The following RHD variants were observed in gnomAD, a reference collection of about 807,000 sequenced individuals.
RHD encodes the protein blood group Rh(D) polypeptide.
Under a neutral mutation model 45.5 loss-of-function variants are expected in RHD, and 16 were observed. That is an observed-to-expected ratio of 0.35 (90% confidence interval 0.24 to 0.53). The LOEUF is 0.53. RHD is among the 20% of genes least tolerant of loss of function. The probability of loss-of-function intolerance (pLI) is 0.92; values close to 1 mark genes in which losing one functional copy is unlikely to be tolerated. For missense variants in RHD, 306 were observed against 532.0 expected (o/e 0.58, Z 4.18); for synonymous variants, 131 against 217.5 (o/e 0.60, Z 3.50).
In RHD at chr1:25,299,883, A is replaced by G. The variant is rs370317125; in HGVS notation, c.487-1063A>G. ...TCCTGCATCAGCCTCCCAGGTAGAT[A>G]GGATTACAAGCAAGCATCACCACGC... On this transcript the variant is annotated intron_variant, in intron 3 of 9. Coordinates refer to ENST00000328664, the MANE Select transcript of RHD (RefSeq NM_016124.6). 5.2e-3 allele frequency among the ~76,000 whole-genome samples: 677 copies of G among 130,432 alleles called. 100 individuals are homozygous for G. Among genetic ancestry groups the G allele is most frequent in the African/African-American group, 0.016 (608 of 37,922 alleles). The allele number at this position is 130,432 out of a possible 152,430, so 85.6% of individuals were successfully genotyped here. A position where few individuals can be genotyped will look rare whatever the true frequency, so the allele number is the denominator to read the frequency against.
intron 6 of RHD, chr1:25,304,313 T>C (rs1226322756): frequency 8.8e-6 from 1 of 113,044 alleles, no homozygotes; most frequent in Non-Finnish European, 2.1e-5. Context: ...CATTCCAACC[T>C]AAAATTAGGA....
chr1:25,319,686 T>A (rs1644592481), intron 8 of RHD, among the ~76,000 whole-genome samples: 1 of 132,102 alleles, frequency 7.6e-6, no homozygotes, highest in Non-Finnish European at 1.8e-5. Flanking sequence ...CCAAATGGAC[T>A]CCCAGAAGAC....
Position 25,292,667 on chromosome 1 carries a change from A to C in RHD, c.486+1876A>C, listed in dbSNP as rs1242680329. Among the ~76,000 whole-genome samples, 4 of 128,502 alleles carry C rather than the reference A, an allele frequency of 3.1e-5. 1 individual carries two copies. Among genetic ancestry groups the C allele is most frequent in the Non-Finnish European group, 7.4e-5 (4 of 54,276 alleles). 84.3% of individuals were successfully genotyped at this position (128,502 alleles called of 152,430 possible). A position where few individuals can be genotyped will look rare whatever the true frequency, so the allele number is the denominator to read the frequency against. On this transcript the variant is annotated intron_variant, in intron 3 of 9. Coordinates refer to ENST00000328664, the MANE Select transcript of RHD (RefSeq NM_016124.6). Reference sequence around the variant, plus strand: ...TAAGGTTGGGGGAGGGGGGGTAGAGATGTGTATGAAACATCCCAGTGGAGA... The same window carrying C: ...TAAGGTTGGGGGAGGGGGGGTAGAGCTGTGTATGAAACATCCCAGTGGAGA...
At chr1:25,307,166 G>A (rs1325877880) in intron 7 of RHD, among the ~76,000 whole-genome samples, 1 of 132,268 alleles carries the variant, frequency 7.6e-6, no homozygotes, top group African/African-American at 2.6e-5. Flanking sequence ...CCCCTCACAG[G>A]ACTGTTGGGA....
rs527592093 is a variant in RHD, at chr1:25,301,771, C to T, written c.801+85C>T. The T allele has an allele frequency of 4.4e-3, 4,540 of 1,022,272 alleles. 605 individuals carry two copies. In the East Asian group the frequency reaches 0.064, roughly 14 times the overall value. The allele number at this position is 1,022,272 out of a possible 1,614,324, so 63.3% of individuals were successfully genotyped here. ...ATGCCCCTCCCCACCCCAGGGCCAG[C>T]GTGGGTTGGGAGAGGGCATGCCGGG... On this transcript the variant is annotated intron_variant, in intron 5 of 9. Transcript: ENST00000328664.
chr1:25,295,384 G>C (rs548604013), intron 3 of RHD, among the ~76,000 whole-genome samples: 1 of 110,024 alleles, frequency 9.1e-6, no homozygotes, highest in Non-Finnish European at 2.2e-5. Flanking sequence ...GACAGTGCCT[G>C]GCATGGGGTA....
chr1:25,311,208 T>C (rs1286902468), intron 7 of RHD, among the ~76,000 whole-genome samples: 1 of 132,308 alleles, frequency 7.6e-6, no homozygotes, highest in African/African-American at 2.6e-5. Flanking sequence ...TCATCCTTTT[T>C]ATAAAGAAGC....
At position 25,290,791 on chromosome 1, in the gene RHD, C is replaced by T. The variant is rs371990272; in HGVS notation, c.486C>T (p.Asn162=). 1.3e-5 allele frequency: 18 copies of T among 1,376,208 alleles called. 4 individuals carry two copies. The highest frequency in any genetic ancestry group is 1.8e-4 in the Middle Eastern group (1 of 5,516). 85.2% of individuals were successfully genotyped at this position (1,376,208 alleles called of 1,614,324 possible). Residue 162 remains asparagine (N), a splice_region_variant and synonymous_variant, in exon 3 of 10, where the codon AAC becomes AAT. Transcript: ENST00000328664. ...GGATGGTCATCAGTAATATCTTCAA[C>T]GTGAGTCATGGTGCTGGGAGGAGGG... The part of the protein sequence containing the change: ...NLRMVISNIF[N]TDYHMNMMHI...
chr1:25,301,043 C>A lies in RHD; in HGVS notation c.584C>A (p.Thr195Lys). Residue 195 changes from threonine to lysine, a missense_variant, in exon 4 of 10, where the codon ACG (threonine) becomes AAG (lysine). By Grantham distance (78) the Thr-to-Lys change is moderately conservative (BLOSUM62 -1). Transcript: ENST00000328664. ...WCLPKPLPEGTEDKDQTATIP... is the reference protein window; with the variant it reads ...WCLPKPLPEGKEDKDQTATIP... ...CTGCCAAAGCCTCTACCCGAGGGAA[C>A]GGAGGATAAAGATCAGACAGCAACG... 1 of 1,377,032 alleles carries A rather than the reference C, an allele frequency of 7.3e-7. No individual in the cohort carries two copies. Among genetic ancestry groups the A allele is most frequent in the South Asian group, 1.2e-5 (1 of 84,854 alleles). The allele number at this position is 1,377,032 out of a possible 1,614,324, so 85.3% of individuals were successfully genotyped here.
At position 25,311,053 on chromosome 1, in the gene RHD, C is replaced by T. The variant is rs746590515; in HGVS notation, c.1073+4324C>T. Among the ~76,000 whole-genome samples the T allele has an allele frequency of 2.3e-5, 3 of 131,096 alleles. 1 individual carries two copies. Among genetic ancestry groups the T allele is most frequent in the Non-Finnish European group, 5.4e-5 (3 of 55,538 alleles). 86.0% of individuals were successfully genotyped at this position (131,096 alleles called of 152,430 possible). On this transcript the variant is annotated intron_variant, in intron 7 of 9. Transcript: ENST00000328664. Reference sequence around the variant, plus strand: ...TCTGGTGAGGGCTTAAAGGAAGACCCCAGAACTAGGGAAAGTCTGGAACTT... The same window carrying T: ...TCTGGTGAGGGCTTAAAGGAAGACCTCAGAACTAGGGAAAGTCTGGAACTT...
At chr1:25,320,222 A>G (rs1200157299) in intron 8 of RHD, among the ~76,000 whole-genome samples, 1 of 132,054 alleles carries the variant, frequency 7.6e-6, no homozygotes, top group African/African-American at 2.6e-5. Flanking sequence ...ACTGGACACA[A>G]GAACACAAAA....
intron 8 of RHD, among the ~76,000 whole-genome samples, chr1:25,319,472 G>A (rs1644583168): frequency 7.6e-6 from 1 of 131,878 alleles, no homozygotes; most frequent in African/African-American, 2.6e-5. Flanking sequence ...TTAGCCAGGC[G>A]TGGTGGTACA....
rs1191883816 is a variant in RHD, at chr1:25,308,616, T to C, written c.1073+1887T>C. Reference sequence around the variant, plus strand: ...TCAAGCTGTCAAGGAGACATCACTATACATGGACTTGGGAAGAGATGAGAA... The same window carrying C: ...TCAAGCTGTCAAGGAGACATCACTACACATGGACTTGGGAAGAGATGAGAA... On this transcript the variant is annotated intron_variant, in intron 7 of 9. Transcript: ENST00000328664. 1.1e-4 allele frequency among the ~76,000 whole-genome samples: 15 copies of C among 131,790 alleles called. 3 individuals carry two copies. The highest frequency in any genetic ancestry group is 2.9e-4 in the African/African-American group (11 of 38,200). 86.5% of individuals were successfully genotyped at this position (131,790 alleles called of 152,430 possible). A position where few individuals can be genotyped will look rare whatever the true frequency, so the allele number is the denominator to read the frequency against.
intron 2 of RHD, among the ~76,000 whole-genome samples, chr1:25,287,385 G>A (rs1156236894): frequency 5.9e-5 from 8 of 135,400 alleles, no homozygotes; most frequent in Non-Finnish European, 1.2e-4. Context: ...GAAGTCACTC[G>A]CAGCCTGAGT....
chr1:25,315,141 C>T (rs563934993), intron 7 of RHD, among the ~76,000 whole-genome samples: 1 of 129,360 alleles, frequency 7.7e-6, no homozygotes, highest in Non-Finnish European at 1.8e-5. Flanking sequence ...GGTGACACAG[C>T]AAGACTCCAT....
chr1:25,285,727 G>C lies in RHD; in HGVS notation c.335+968G>C, dbSNP rs910719788. ...CATCAAGCTATACACGTTTTAAAAGGGCATTGGCACTTAATAGGAGGAAGT... is the reference window on the plus strand; with the variant it reads ...CATCAAGCTATACACGTTTTAAAAGCGCATTGGCACTTAATAGGAGGAAGT... On this transcript the variant is annotated intron_variant, in intron 2 of 9. Coordinates refer to ENST00000328664, the MANE Select transcript of RHD (RefSeq NM_016124.6). Among the ~76,000 whole-genome samples the C allele has an allele frequency of 4.4e-5, 6 of 135,100 alleles. 1 individual carries two copies. The highest frequency in any genetic ancestry group is 1.5e-4 in the African/African-American group (6 of 39,052). 88.6% of individuals were successfully genotyped at this position (135,100 alleles called of 152,430 possible).
chr1:25,313,238 T>G lies in RHD; in HGVS notation c.1074-3762T>G, dbSNP rs1386548939. On this transcript the variant is annotated intron_variant, in intron 7 of 9. Coordinates refer to ENST00000328664, the MANE Select transcript of RHD (RefSeq NM_016124.6). ...TCTTGCCATGTGATACCCTCTGCCA[T>G]GTAATGGCAGGCACAGCAAGAAGGT... Among the ~76,000 whole-genome samples the G allele has an allele frequency of 2.3e-5, 3 of 131,232 alleles. 1 individual carries two copies. Among genetic ancestry groups the G allele is most frequent in the Non-Finnish European group, 5.4e-5 (3 of 55,432 alleles). 86.1% of individuals were successfully genotyped at this position (131,232 alleles called of 152,430 possible).
chr1:25,274,801 G>A (rs1640801092), intron 1 of RHD, among the ~76,000 whole-genome samples: 1 of 133,766 alleles, frequency 7.5e-6, no homozygotes, highest in African/African-American at 2.5e-5. Flanking sequence ...GAGGTTAGGA[G>A]TTCGAGACCA....
At chr1:25,318,275 AAAAAAAAG>A (rs1258236457) in intron 8 of RHD, 2 of 129,512 alleles carry the variant, frequency 1.5e-5, no homozygotes, top group Admixed American at 7.6e-5. Flanking sequence ...ACTCTGTCTA[AAAAAAAAG>A]AAAAAAAGAA....
Sources: gnomAD v4.1 joint callset for allele counts (sites outside exome capture counted in the v4.1 genomes callset) on GRCh38, gnomAD v4.1.1 for gene constraint, MANE v1.5 for transcripts, NCBI Gene and HGNC (gene_info 2026-07-23, HGNC 2026-07-21) for gene names.